Variants in PCDHGA5 observed in about 807,000 individuals in gnomAD.
PCDHGA5 encodes protocadherin gamma-A5.
In PCDHGA5, 36 loss-of-function variants were observed where a neutral mutation model predicts 56.7. That is an observed-to-expected ratio of 0.64 (90% confidence interval 0.49 to 0.84). The LOEUF is 0.84. Among genes scored for constraint, PCDHGA5 ranks in the 40% least tolerant of loss-of-function variants. PCDHGA5 has a pLI of 0.00. For missense variants in PCDHGA5, 1,305 were observed against 1,201.5 expected, an observed-to-expected ratio of 1.09 and a Z score of -1.27; for synonymous variants, 563 against 520.2, an observed-to-expected ratio of 1.08 and a Z score of -1.12.
At position 141,366,840 on chromosome 5, in the gene PCDHGA5, T is replaced by C. The variant is rs1006582691; in HGVS notation, c.2421+89T>C. Reference sequence around the variant, plus strand: ...TGTCATATTCAGAATCAGCTAGTTATGTAAATAGTGGAACATTATTTGCTG... The same window carrying C: ...TGTCATATTCAGAATCAGCTAGTTACGTAAATAGTGGAACATTATTTGCTG... On this transcript the variant is annotated intron_variant, in intron 1 of 3. Coordinates refer to ENST00000518069, the MANE Select transcript of PCDHGA5 (RefSeq NM_018918.3). The C allele has an allele frequency of 1.2e-5, 18 of 1,493,738 alleles. No homozygotes were observed. The East Asian group carries it at 1.4e-4, about 11-fold the overall frequency. 92.5% of individuals were successfully genotyped at this position (1,493,738 alleles called of 1,614,324 possible). A position where few individuals can be genotyped will look rare whatever the true frequency, so the allele number is the denominator to read the frequency against.
intron 1 of PCDHGA5, chr5:141,372,829 T>C (rs1769106539): frequency 6.5e-7 from 1 of 1,550,378 alleles, no homozygotes; most frequent in Admixed American, 2.0e-5. Flanking sequence ...TTCAAACCTT[T>C]CCTTCCATAA....
chr5:141,419,177 C>G (rs1223789288), intron 1 of PCDHGA5: 3 of 1,613,980 alleles, frequency 1.9e-6, no homozygotes, highest in Non-Finnish European at 2.5e-6. Flanking sequence ...AACCATAACC[C>G]TGCACATTAC....
Position 141,376,352 on chromosome 5 carries a change from G to A in PCDHGA5, c.2421+9601G>A, listed in dbSNP as rs919062386. On this transcript the variant is annotated intron_variant, in intron 1 of 3. Coordinates refer to ENST00000518069, the MANE Select transcript of PCDHGA5 (RefSeq NM_018918.3). Reference sequence around the variant, plus strand: ...TTTCCTGCAGACCTATTCCCACGAGGTCTCACTCACTGCAGACTCGCGTAA... The same window carrying A: ...TTTCCTGCAGACCTATTCCCACGAGATCTCACTCACTGCAGACTCGCGTAA... 3.9e-5 allele frequency: 63 copies of A among 1,614,164 alleles called. No homozygotes were observed. In the East Asian group the frequency reaches 1.4e-3, roughly 35 times the overall value.
chr5:141,415,766 TTTTTTTACTTTC>T, intron 1 of PCDHGA5: 1 of 1,295,032 alleles, frequency 7.7e-7, no homozygotes, highest in Admixed American at 3.5e-5. Flanking sequence ...TTTTTTTTTT[TTTTTTTACTTTC>T]TGGTAAAATT....
At chr5:141,496,285 A>G (rs1003747820) in intron 2 of PCDHGA5, among the ~76,000 whole-genome samples, 1 of 152,210 alleles carries the variant, frequency 6.6e-6, no homozygotes, top group Non-Finnish European at 1.5e-5. Flanking sequence ...AGTTGGTCTG[A>G]GCAGAGTGGG....
At chr5:141,398,955 A>G in intron 1 of PCDHGA5, 6 of 1,613,966 alleles carry the variant, frequency 3.7e-6, no homozygotes, top group Non-Finnish European at 5.1e-6. Context: ...TCAACTCAGA[A>G]ATTACTTATT....
At position 141,364,421 on chromosome 5, in the gene PCDHGA5, A is replaced by AT; in HGVS notation, c.92dup (p.Arg32ProfsTer40). On this transcript the variant is annotated frameshift_variant, in exon 1 of 4. Coordinates refer to ENST00000518069, the MANE Select transcript of PCDHGA5 (RefSeq NM_018918.3). LOFTEE classifies it high-confidence loss of function. ...GCTGTGCGAGCCAGGATCCGGGCAG[A>AT]TCCGCTACTCGATGCCGGAGGAGCT... The AT allele has an allele frequency of 6.2e-7, 1 of 1,613,602 alleles. No individual in the cohort carries two copies. Among genetic ancestry groups the AT allele is most frequent in the South Asian group, 1.1e-5 (1 of 91,056 alleles).
At chr5:141,371,628 C>A (rs1247615659) in intron 1 of PCDHGA5, 2 of 1,614,008 alleles carry the variant, frequency 1.2e-6, no homozygotes, top group South Asian at 1.1e-5. Context: ...AGCCCTGGAC[C>A]GGGAGCAGAT....
chr5:141,434,547 A>G (rs1277148299), intron 1 of PCDHGA5, among the ~76,000 whole-genome samples: 1 of 152,232 alleles, frequency 6.6e-6, no homozygotes, highest in East Asian at 1.9e-4. Context: ...AGCATGAGTG[A>G]TCTGTGCCTT....
intron 1 of PCDHGA5, chr5:141,414,696 A>T: frequency 6.2e-7 from 1 of 1,613,982 alleles, no homozygotes; most frequent in Non-Finnish European, 8.5e-7. Flanking sequence ...CTCTGTCCTC[A>T]TACATATCCA....
chr5:141,423,972 T>A (rs1459859824), intron 1 of PCDHGA5: 2 of 1,128,544 alleles, frequency 1.8e-6, no homozygotes, highest in African/African-American at 3.3e-5. Flanking sequence ...CTATTATCAG[T>A]GTATGAGGCT....
chr5:141,476,367 G>C lies in PCDHGA5; in HGVS notation c.2422-18440G>C, dbSNP rs754652710. ...TTCTTTGAGGTGAACCGGGAGACCG[G>C]AGAGATGTTTGTGAACGACCGTCTG... On this transcript the variant is annotated intron_variant, in intron 1 of 3. Transcript: ENST00000518069. This position sits in a 1 kb window ranked among gnomAD's most constrained non-coding sequence, Gnocchi z 7.6. 6.2e-7 allele frequency: 1 copy of C among 1,614,172 alleles called. No homozygotes were observed. Among genetic ancestry groups the C allele is most frequent in the Non-Finnish European group, 8.5e-7 (1 of 1,180,036 alleles).
chr5:141,374,243 C>A, intron 1 of PCDHGA5: 1 of 1,614,000 alleles, frequency 6.2e-7, no homozygotes, highest in Non-Finnish European at 8.5e-7. Flanking sequence ...GGATCTGGGA[C>A]TGGAGCCCCA....
At position 141,413,426 on chromosome 5, in the gene PCDHGA5, G is replaced by T. The variant is rs138985917; in HGVS notation, c.2421+46675G>T. On this transcript the variant is annotated intron_variant, in intron 1 of 3. Transcript: ENST00000518069. Reference sequence around the variant, plus strand: ...ACGCAGCTTTTCTCTCTGAACCCGCGCAGCGGCAGCTTGATCACCGCGGGC... The same window carrying T: ...ACGCAGCTTTTCTCTCTGAACCCGCTCAGCGGCAGCTTGATCACCGCGGGC... 776 of 1,614,090 alleles carry T rather than the reference G, an allele frequency of 4.8e-4. 5 individuals carry two copies. The African/African-American group carries it at 9.2e-3, about 19-fold the overall frequency.
At chr5:141,370,963 G>T (rs1281017777) in intron 1 of PCDHGA5, 1 of 1,614,018 alleles carries the variant, frequency 6.2e-7, no homozygotes, top group Non-Finnish European at 8.5e-7. Context: ...GATGGCAGTA[G>T]GTACCCAGAG....
intron 1 of PCDHGA5, chr5:141,400,208 T>G: frequency 6.2e-7 from 1 of 1,614,042 alleles, no homozygotes; most frequent in South Asian, 1.1e-5. Context: ...GCCTTGGCCT[T>G]GATCTCAGTG....
At chr5:141,379,831 C>T (rs1242791393) in intron 1 of PCDHGA5, among the ~76,000 whole-genome samples, 3 of 142,262 alleles carry the variant, frequency 2.1e-5, no homozygotes, top group Non-Finnish European at 4.5e-5. Context: ...TTTGAAGCAT[C>T]AGGAAAAAAA....
At chr5:141,501,290 TACACACACACACACACACACACACAC>T (rs55762287) in intron 2 of PCDHGA5, among the ~76,000 whole-genome samples, 1 of 136,164 alleles carries the variant, frequency 7.3e-6, no homozygotes, top group Non-Finnish European at 1.6e-5. Flanking sequence ...TATTCCCTTA[TACACACACACACACACACACACACAC>T]ACACACACAC....
chr5:141,414,302 A>G (rs2095732200), intron 1 of PCDHGA5: 3 of 1,613,678 alleles, frequency 1.9e-6, no homozygotes, highest in Non-Finnish European at 2.5e-6. Flanking sequence ...TTAAATGTGC[A>G]TGATTTAGAC....
Sources: gnomAD v4.1 joint callset for allele counts (sites outside exome capture counted in the v4.1 genomes callset) on GRCh38, gnomAD v4.1.1 for gene constraint, Gnocchi (gnomAD v3.1) non-coding constraint, MANE v1.5 for transcripts, NCBI Gene and HGNC (gene_info 2026-07-23, HGNC 2026-07-21) for gene names.